OBP2B: variants seen among roughly 807,000 people sequenced by gnomAD.
OBP2B encodes odorant binding protein 2B, also known as odorant-binding protein 2b.
A neutral mutation model predicts 21.7 loss-of-function variants in OBP2B; 10 were observed. That is an observed-to-expected ratio of 0.46 (90% CI 0.28 to 0.78). The LOEUF is 0.78. OBP2B is among the 30% of genes least tolerant of loss of function. The pLI is 0.11. For missense variants in OBP2B, 153 were observed against 217.7 expected (o/e 0.70, Z 1.87); for synonymous variants, 73 against 91.5 (o/e 0.80, Z 1.16).
the OBP2B span, among the ~76,000 whole-genome samples, chr9:133,214,698 A>G: frequency 2.0e-5 from 3 of 152,246 alleles, no homozygotes; most frequent in Non-Finnish European, 4.4e-5. Flanking sequence ...ATAAGCGAGC[A>G]CTGCTCACAG....
chr9:133,206,166 C>T (rs547974633), intron 5 of OBP2B, 149 bp downstream of exon 5: 31 of 1,113,718 alleles, frequency 2.8e-5, no homozygotes, highest in East Asian at 7.2e-5. Context: ...ATGAGGAGGA[C>T]GCTAAACAGG....
intron 3 of OBP2B, chr9:133,207,852 C>T (rs2119396055): frequency 1.3e-6 from 2 of 1,509,284 alleles, no homozygotes; most frequent in South Asian, 1.2e-5. Context: ...AATCCTTGGC[C>T]TCCTTGTCCC....
the OBP2B span, among the ~76,000 whole-genome samples, chr9:133,218,899 A>G: frequency 6.6e-6 from 1 of 152,254 alleles, no homozygotes; most frequent in African/African-American, 2.4e-5. Context: ...ATAGCTAAAT[A>G]CCAGTCCATG....
In OBP2B at chr9:133,205,372, G is replaced by C; in HGVS notation, c.*41C>G. On this transcript the variant is annotated 3_prime_UTR_variant, in exon 7 of 7. Coordinates refer to ENST00000372034, the MANE Select transcript of OBP2B (RefSeq NM_014581.4). ...TCCAGGTGGTCCAGGCTCTGTGTCT[G>C]GTGGTAGGGTGGGCTCTGGAGGTGC... 1 of 1,515,230 alleles carries C rather than the reference G, an allele frequency of 6.6e-7. No individual in the cohort carries two copies. Among genetic ancestry groups the C allele is most frequent in the Non-Finnish European group, 8.9e-7 (1 of 1,117,976 alleles). 93.9% of individuals were successfully genotyped at this position (1,515,230 alleles called of 1,614,324 possible).
At chr9:133,208,307 G>GCCCC (rs1294027344) in intron 2 of OBP2B, 104 bp from the exon 3 acceptor site, 1 of 1,276,930 alleles carries the variant, frequency 7.8e-7, no homozygotes, top group African/African-American at 1.5e-5. Flanking sequence ...AAATTCCACT[G>GCCCC]CCCCCCACCC....
chr9:133,208,539 G>A lies in OBP2B; in HGVS notation c.136C>T (p.Pro46Ser), dbSNP rs782780892. The A allele has an allele frequency of 6.2e-7, 1 of 1,613,530 alleles. No individual in the cohort carries two copies. Among genetic ancestry groups the A allele is most frequent in the East Asian group, 2.2e-5 (1 of 44,868 alleles). ...ACCTTCACTGGGGACACCTTCCTGG[G>A]CCTCCTGTCCTCCGGAAAGTCCTTA... Reference protein sequence around the residue: ...VDKDFPEDRRPRKVSPVKVTA... With the variant: ...VDKDFPEDRRSRKVSPVKVTA... Residue 46 changes from proline (P) to serine (S), a missense_variant, in exon 2 of 7, where the codon CCC (proline) becomes TCC (serine). Around this residue, in one of 2 missense-constraint regions of OBP2B, gnomAD observed 151 missense variants for 186.3 expected, o/e 0.81. Coordinates refer to ENST00000372034, the MANE Select transcript of OBP2B (RefSeq NM_014581.4).
chr9:133,209,705 G>A (rs1402228150), upstream of OBP2B, among the ~76,000 whole-genome samples: 2 of 152,178 alleles, frequency 1.3e-5, no homozygotes, highest in Admixed American at 6.5e-5. The surrounding 1 kb of genome is among the most constrained non-coding windows in gnomAD (Gnocchi z 6.0). Context: ...GCTGAGTCCC[G>A]CACGCCCTAG....
In OBP2B at chr9:133,206,255, C is replaced by A. The variant is rs1249626427; in HGVS notation, c.490+60G>T. 2.6e-6 allele frequency: 4 copies of A among 1,542,614 alleles called. No homozygotes were observed. In the African/African-American group the frequency reaches 5.5e-5, roughly 21 times the overall value. ...GGGAGGACATGGGGGTCATGGGACA[C>A]TGGAGATAGCAGACAGACACAGCAG... On this transcript the variant is annotated intron_variant, in intron 5 of 6. Transcript: ENST00000372034.
Position 133,207,350 on chromosome 9 carries a change from A to T in OBP2B, c.278-14T>A. The T allele has an allele frequency of 6.5e-7, 1 of 1,538,592 alleles. No individual in the cohort carries two copies. Among genetic ancestry groups the T allele is most frequent in the South Asian group, 1.1e-5 (1 of 89,136 alleles). ...TCCTGCCCCCATCTGTAGATGACAGAGAAAATGGGTCATTCCCAGAGAGAA... is the reference window on the plus strand; with the variant it reads ...TCCTGCCCCCATCTGTAGATGACAGTGAAAATGGGTCATTCCCAGAGAGAA... On this transcript the variant is annotated splice_polypyrimidine_tract_variant and intron_variant, in intron 3 of 6. Transcript: ENST00000372034.
chr9:133,209,125 C>G lies in OBP2B; in HGVS notation c.72+3G>C, dbSNP rs782050305. 1.2e-6 allele frequency: 2 copies of G among 1,611,624 alleles called. No individual in the cohort carries two copies. Among genetic ancestry groups the G allele is most frequent in the South Asian group, 2.2e-5 (2 of 90,570 alleles). On this transcript the variant is annotated splice_donor_region_variant and intron_variant, in intron 1 of 6. Transcript: ENST00000372034. This position sits in a 1 kb window ranked among gnomAD's most constrained non-coding sequence, Gnocchi z 6.0. ...TCCATCCGCCCACGCCAACCCAGCT[C>G]ACATCCTCCTCCTCCAGGGTGAAGG...
chr9:133,214,285 G>T, the OBP2B span, among the ~76,000 whole-genome samples: 4 of 152,198 alleles, frequency 2.6e-5, no homozygotes, highest in Admixed American at 2.0e-4. Flanking sequence ...TGTGTAACTG[G>T]CTCAAGTCCA....
the OBP2B span, among the ~76,000 whole-genome samples, chr9:133,220,392 A>C: frequency 6.6e-6 from 1 of 152,124 alleles, no homozygotes; most frequent in South Asian, 2.1e-4. Flanking sequence ...AGGACACATC[A>C]CTCCCCGGAG....
chr9:133,207,743 C>T, intron 3 of OBP2B: 1 of 791,150 alleles, frequency 1.3e-6, no homozygotes, highest in Non-Finnish European at 2.0e-6. Flanking sequence ...TAACCCTTGG[C>T]CCCCGTCCCT....
upstream of OBP2B, among the ~76,000 whole-genome samples, chr9:133,209,798 GA>G (rs1833873610): frequency 6.6e-6 from 1 of 152,160 alleles, no homozygotes; most frequent in Non-Finnish European, 1.5e-5. This position sits in a 1 kb window ranked among gnomAD's most constrained non-coding sequence, Gnocchi z 6.0. Context: ...CCTAGGGGCA[GA>G]GGAGGGCACT....
the OBP2B span, among the ~76,000 whole-genome samples, chr9:133,216,853 G>A: frequency 1.3e-5 from 2 of 152,212 alleles, no homozygotes; most frequent in African/African-American, 4.8e-5. Context: ...CTGGGGTTGG[G>A]GCTGGAGCAA....
chr9:133,207,772 C>T (rs1196501380), intron 3 of OBP2B: 14 of 1,062,534 alleles, frequency 1.3e-5, no homozygotes, highest in African/African-American at 7.5e-5. Context: ...GCCTCCCCAT[C>T]CTTAACCCTC....
chr9:133,222,822 G>A, the OBP2B span, among the ~76,000 whole-genome samples: 2 of 151,848 alleles, frequency 1.3e-5, no homozygotes, highest in Non-Finnish European at 2.9e-5. Context: ...AGACTCTGTT[G>A]GGGGACAGAG....
the OBP2B span, among the ~76,000 whole-genome samples, chr9:133,218,345 C>T: frequency 6.6e-6 from 1 of 152,188 alleles, no homozygotes; most frequent in African/African-American, 2.4e-5. Context: ...AGGACCACCA[C>T]GAGGACTTCA....
At chr9:133,218,040 G>T in the OBP2B span, among the ~76,000 whole-genome samples, 1 of 152,216 alleles carries the variant, frequency 6.6e-6, no homozygotes, top group Non-Finnish European at 1.5e-5. Context: ...AAGCAAAGTG[G>T]ACAAGTTGGA....
Sources: allele counts gnomAD v4.1 joint callset (sites outside exome capture counted in the v4.1 genomes callset), GRCh38; gene constraint gnomAD v4.1.1; regional missense constraint gnomAD v4.1.1; non-coding constraint Gnocchi (gnomAD v3.1); transcripts MANE v1.5; gene names NCBI Gene and HGNC (gene_info 2026-07-23, HGNC 2026-07-21).